Variants in WDR27 observed in about 807,000 individuals in gnomAD.
The protein encoded by WDR27 is WD repeat domain 27.
Under a neutral mutation model 114.4 loss-of-function variants are expected in WDR27, and 100 were observed. That is an observed-to-expected ratio of 0.87 (90% CI 0.74 to 1.03). The LOEUF is 1.03. Ranked by LOEUF, WDR27 falls within the 50% of genes least tolerant of loss-of-function variation. The pLI, the probability that WDR27 is intolerant of heterozygous loss-of-function variation, is 0.00. For synonymous variants in WDR27, 449 were observed against 423.1 expected (o/e 1.06, Z -0.75); for missense variants, 1,129 against 1,092.9 (o/e 1.03, Z -0.47).
At chr6:169,443,197 G>A in the WDR27 span, among the ~76,000 whole-genome samples, 82,058 of 151,974 alleles carry the variant, frequency 0.54, 23,805 homozygotes, top group East Asian at 0.95. Context: ...CCCCTGCCAC[G>A]TCAGCCACAG....
At chr6:169,676,903 G>T (rs566182543) in intron 2 of WDR27, among the ~76,000 whole-genome samples, 1 of 152,168 alleles carries the variant, frequency 6.6e-6, no homozygotes, top group Non-Finnish European at 1.5e-5. Context: ...TCACGCACAT[G>T]TTCTCAGGAC....
At chr6:169,666,290 C>T (rs1054971492) in intron 6 of WDR27, 11 of 716,502 alleles carry the variant, frequency 1.5e-5, no homozygotes, top group Non-Finnish European at 1.9e-5. Context: ...CATTACAGCA[C>T]CATAGTCCAC....
At chr6:169,644,568 G>T (rs535415754) in intron 16 of WDR27, among the ~76,000 whole-genome samples, 1 of 147,280 alleles carries the variant, frequency 6.8e-6, no homozygotes, top group Admixed American at 6.7e-5. Flanking sequence ...CTGTCGAAAA[G>T]CCTAGTTCAC....
the WDR27 span, among the ~76,000 whole-genome samples, chr6:169,450,423 G>A: frequency 6.6e-6 from 1 of 152,232 alleles, no homozygotes; most frequent in Non-Finnish European, 1.5e-5. Context: ...GTAAATGAAC[G>A]GAATTGCACA....
intron 17 of WDR27, 114 bp downstream of exon 17, chr6:169,643,583 T>G: frequency 1.3e-6 from 1 of 780,214 alleles, no homozygotes; most frequent in Non-Finnish European, 2.0e-6. Context: ...AAGCCATGGC[T>G]TTGGTTTGCT....
intron 20 of WDR27, 129 bp downstream of exon 20, chr6:169,634,299 T>C (rs1227416210): frequency 8.1e-6 from 5 of 615,696 alleles, no homozygotes; most frequent in African/African-American, 1.9e-5. Flanking sequence ...GCGAGCTCCA[T>C]GAGAAGGGTC....
chr6:169,679,136 C>T (rs1399780779), intron 2 of WDR27, among the ~76,000 whole-genome samples: 1 of 152,174 alleles, frequency 6.6e-6, no homozygotes, highest in African/African-American at 2.4e-5. Flanking sequence ...TGAGTGGTCT[C>T]GCCTTTCTGA....
Position 169,471,398 on chromosome 6 carries a change from T to G in WDR27, c.2646-13764A>C, listed in dbSNP as rs532442049. 5.9e-5 allele frequency among the ~76,000 whole-genome samples: 9 copies of G among 152,228 alleles called. No individual in the cohort carries two copies. In the South Asian group the frequency reaches 8.3e-4, roughly 14 times the overall value. On this transcript the variant is annotated intron_variant, in intron 25 of 25. Transcript: ENST00000448612. ...TTCGTTTCAGAGATCCCAGGTGTCT[T>G]TCTGCCCTCAAAGAGTAGTAGATTT...
At chr6:169,458,536 T>C (rs1039680018) in intron 25 of WDR27, among the ~76,000 whole-genome samples, 4 of 152,024 alleles carry the variant, frequency 2.6e-5, no homozygotes, top group Admixed American at 6.6e-5. Flanking sequence ...TGGGAAAAAT[T>C]AGAAAGTGAC....
intron 13 of WDR27, among the ~76,000 whole-genome samples, chr6:169,656,013 C>A (rs1368141283): frequency 6.6e-6 from 1 of 152,062 alleles, no homozygotes; most frequent in East Asian, 1.9e-4. Context: ...TGAGCCACTG[C>A]ACCCAGCTGG....
intron 17 of WDR27, among the ~76,000 whole-genome samples, chr6:169,642,673 T>C (rs1161468845): frequency 6.6e-6 from 1 of 152,100 alleles, no homozygotes; most frequent in Non-Finnish European, 1.5e-5. Context: ...GGGGGCCTGC[T>C]AGACCTGGCC....
intron 7 of WDR27, chr6:169,664,626 A>T: frequency 9.0e-7 from 1 of 1,112,416 alleles, no homozygotes; most frequent in South Asian, 3.4e-5. Flanking sequence ...AGCACGTCCC[A>T]CATGCCCTGG....
chr6:169,516,709 C>T (rs190336133), intron 25 of WDR27, among the ~76,000 whole-genome samples: 28 of 151,072 alleles, frequency 1.9e-4, no homozygotes, highest in Non-Finnish European at 2.2e-4. Flanking sequence ...GAACCTGAGA[C>T]GGCTCTGAAG....
intron 21 of WDR27, among the ~76,000 whole-genome samples, chr6:169,620,415 G>C (rs941194917): frequency 6.6e-6 from 1 of 152,112 alleles, no homozygotes; most frequent in Non-Finnish European, 1.5e-5. Flanking sequence ...TCCCTCCGAG[G>C]CTTCCCTGAA....
At chr6:169,599,250 T>C (rs956198193) in intron 23 of WDR27, among the ~76,000 whole-genome samples, 2 of 151,434 alleles carry the variant, frequency 1.3e-5, no homozygotes, top group African/African-American at 4.9e-5. Flanking sequence ...ACCATCATGA[T>C]TTGGAAGTGA....
chr6:169,622,839 C>G (rs1301008945), intron 21 of WDR27, among the ~76,000 whole-genome samples: 1 of 152,202 alleles, frequency 6.6e-6, no homozygotes, highest in Non-Finnish European at 1.5e-5. Flanking sequence ...AACCTCCAAG[C>G]CGTCCTTTTC....
chr6:169,559,092 C>T (rs976727754), intron 25 of WDR27: 14 of 152,186 alleles, frequency 9.2e-5, no homozygotes, highest in African/African-American at 2.7e-4. Context: ...GAAATTCCGT[C>T]GGCAACCACA....
chr6:169,480,194 G>A (rs1787775725), intron 25 of WDR27, among the ~76,000 whole-genome samples: 1 of 152,222 alleles, frequency 6.6e-6, no homozygotes, highest in African/African-American at 2.4e-5. Flanking sequence ...AGCACCTGTG[G>A]AAGGTGCGCC....
chr6:169,548,469 AC>A (rs1327412769), intron 25 of WDR27, among the ~76,000 whole-genome samples: 1 of 152,230 alleles, frequency 6.6e-6, no homozygotes, highest in African/African-American at 2.4e-5. Context: ...TATGTGAATT[AC>A]CCTGATTTGA....
Sources: allele counts gnomAD v4.1 joint callset (sites outside exome capture counted in the v4.1 genomes callset), GRCh38; gene constraint gnomAD v4.1.1; transcripts MANE v1.5; gene names NCBI Gene and HGNC (gene_info 2026-07-23, HGNC 2026-07-21).